The following RAD51B variants were observed in gnomAD, a reference collection of about 807,000 sequenced individuals.
The protein encoded by RAD51B is DNA repair protein RAD51 homolog 2.
A neutral mutation model predicts 42.2 loss-of-function variants in RAD51B; 38 were observed. The observed-to-expected ratio is 0.90, with a 90% CI of 0.70 to 1.18. RAD51B has a LOEUF of 1.18. RAD51B is among the 50% of genes most tolerant of loss of function. RAD51B has a pLI of 0.00. For missense variants in RAD51B, 373 were observed against 400.7 expected, an observed-to-expected ratio of 0.93 and a Z score of 0.59; for synonymous variants, 154 against 145.2, an observed-to-expected ratio of 1.06 and a Z score of -0.43.
At chr14:68,402,762 G>A (rs2084147248) in intron 8 of RAD51B, among the ~76,000 whole-genome samples, 1 of 152,176 alleles carries the variant, frequency 6.6e-6, no homozygotes, top group Non-Finnish European at 1.5e-5. Context: ...TCTCGATGAG[G>A]AACTCATTCA....
At chr14:67,951,324 T>C (rs2074441388) in intron 7 of RAD51B, among the ~76,000 whole-genome samples, 2 of 152,326 alleles carry the variant, frequency 1.3e-5, no homozygotes, top group South Asian at 4.1e-4. Flanking sequence ...CATTTTATTG[T>C]TAATGGGCTT....
chr14:68,224,793 C>G (rs915477707), intron 7 of RAD51B, among the ~76,000 whole-genome samples: 4 of 152,036 alleles, frequency 2.6e-5, no homozygotes, highest in Non-Finnish European at 4.4e-5. Flanking sequence ...CTCCCAGGCT[C>G]AAGCAATTCT....
Position 68,410,798 on chromosome 14 carries a change from CAGAT to C in RAD51B, c.854-622_854-619del, listed in dbSNP as rs545250174. Among the ~76,000 whole-genome samples, 15 of 152,270 alleles carry C rather than the reference CAGAT, an allele frequency of 9.9e-5. No individual in the cohort carries two copies. In the East Asian group the frequency reaches 1.5e-3, roughly 16 times the overall value. ...TGCAATTTGGAGGAGGCTAGGAACT[CAGAT>C]AGAGTTTACTTCAGACCCTCTTCCT... On this transcript the variant is annotated intron_variant, in intron 8 of 10. Coordinates refer to ENST00000471583, the MANE Select transcript of RAD51B (RefSeq NM_133510.4).
intron 10 of RAD51B, among the ~76,000 whole-genome samples, chr14:68,553,971 G>A (rs574634292): frequency 1.3e-5 from 2 of 152,138 alleles, no homozygotes; most frequent in African/African-American, 4.8e-5. Flanking sequence ...TACTTTTAGG[G>A]TATAATAATA....
At chr14:68,494,779 C>T (rs1218192882) in intron 10 of RAD51B, among the ~76,000 whole-genome samples, 2 of 151,998 alleles carry the variant, frequency 1.3e-5, no homozygotes, top group Non-Finnish European at 2.9e-5. Context: ...TGACTTTTAA[C>T]TCTTTATCCA....
intron 7 of RAD51B, among the ~76,000 whole-genome samples, chr14:68,140,388 T>A (rs977203245): frequency 6.6e-6 from 1 of 152,202 alleles, no homozygotes; most frequent in African/African-American, 2.4e-5. Flanking sequence ...TGAAAGTCAC[T>A]GACACACACT....
intron 9 of RAD51B, among the ~76,000 whole-genome samples, chr14:68,428,444 T>G (rs549257911): frequency 2.8e-4 from 42 of 152,200 alleles, no homozygotes; most frequent in African/African-American, 9.6e-4. Flanking sequence ...ATTAACTGTA[T>G]GCACATTGTC....
rs1489718491 is a variant in RAD51B at position 68,641,762 on chromosome 14, T to C, written c.1037-9019T>C. Among the ~76,000 whole-genome samples the C allele has an allele frequency of 4.6e-5, 7 of 151,996 alleles. No homozygotes were observed. In the East Asian group the frequency reaches 1.3e-3, roughly 29 times the overall value. The stretch of plus-strand genomic sequence containing the variant: ...AAAATACAGAGACAGGGTTTCACTA[T>C]GTTGCCCAAGCTTGTCTCCAACTCC... On this transcript the variant is annotated intron_variant, in intron 10 of 11. Transcript: ENST00000488612.
intron 1 of RAD51B, among the ~76,000 whole-genome samples, chr14:67,821,380 G>A (rs1306925440): frequency 2.0e-5 from 3 of 152,160 alleles, no homozygotes; most frequent in African/African-American, 7.2e-5. Flanking sequence ...GCAAGTGATG[G>A]GAGTGGCCCT....
intron 10 of RAD51B, among the ~76,000 whole-genome samples, chr14:68,511,420 A>G (rs1885718932): frequency 6.6e-6 from 1 of 152,230 alleles, no homozygotes; most frequent in African/African-American, 2.4e-5. Context: ...AAATCTGGTC[A>G]AGCTCCCAGA....
chr14:68,432,557 G>A (rs2085037856), intron 9 of RAD51B, among the ~76,000 whole-genome samples: 2 of 152,158 alleles, frequency 1.3e-5, no homozygotes, highest in Admixed American at 6.5e-5. Context: ...TGTTTTATCA[G>A]AGACTAGGAT....
intron 7 of RAD51B, among the ~76,000 whole-genome samples, chr14:68,016,191 A>G (rs567220387): frequency 6.6e-6 from 1 of 152,318 alleles, no homozygotes; most frequent in Admixed American, 6.5e-5. Context: ...AGGGCTTTTT[A>G]TAAGCAAATA....
At chr14:68,594,541 C>T in exon 11 of RAD51B, 1 of 1,345,210 alleles carries the variant, frequency 7.4e-7, no homozygotes. Flanking sequence ...AGAAATCCTC[C>T]CACCTCAGCC....
chr14:67,919,505 G>T (rs2044255362), intron 7 of RAD51B, among the ~76,000 whole-genome samples: 1 of 152,158 alleles, frequency 6.6e-6, no homozygotes, highest in Non-Finnish European at 1.5e-5. Context: ...TACTCCATTA[G>T]TGCCTTCCAT....
intron 7 of RAD51B, among the ~76,000 whole-genome samples, chr14:67,996,482 C>G (rs2075387243): frequency 6.6e-6 from 1 of 151,656 alleles, no homozygotes; most frequent in East Asian, 1.9e-4. Context: ...GAAATCTCAG[C>G]AAAACCTGAA....
intron 7 of RAD51B, among the ~76,000 whole-genome samples, chr14:68,187,010 G>A (rs533608351): frequency 2.6e-5 from 4 of 152,198 alleles, no homozygotes; most frequent in Non-Finnish European, 5.9e-5. Context: ...ATAGACCATG[G>A]AATACTATGC....
intron 8 of RAD51B, among the ~76,000 whole-genome samples, chr14:68,354,634 G>A (rs1393283429): frequency 1.3e-5 from 2 of 152,162 alleles, no homozygotes; most frequent in East Asian, 1.9e-4. Context: ...TTTAGGAGAC[G>A]AAGTTGGGAG....
At chr14:67,911,753 T>C (rs935439055) in intron 7 of RAD51B, among the ~76,000 whole-genome samples, 1 of 152,234 alleles carries the variant, frequency 6.6e-6, no homozygotes, top group Non-Finnish European at 1.5e-5. Context: ...TTAGCTGTGC[T>C]GGTTAAAAGC....
chr14:68,376,847 G>T (rs747081199), intron 8 of RAD51B, among the ~76,000 whole-genome samples: 1 of 152,140 alleles, frequency 6.6e-6, no homozygotes, highest in East Asian at 1.9e-4. Context: ...TACAAGGGCC[G>T]GAAGTGACCA....
Sources: gnomAD v4.1 joint callset for allele counts (sites outside exome capture counted in the v4.1 genomes callset) on GRCh38, gnomAD v4.1.1 for gene constraint, MANE v1.5 for transcripts, NCBI Gene and HGNC (gene_info 2026-07-23, HGNC 2026-07-21) for gene names.